EXOC4: variants seen among roughly 807,000 people sequenced by gnomAD.
EXOC4 encodes exocyst complex component 4, also known as SEC8-like 1.
A neutral mutation model predicts 107.2 loss-of-function variants in EXOC4; 71 were observed. The observed-to-expected ratio is 0.66, with a 90% CI of 0.55 to 0.81. The LOEUF (loss-of-function observed/expected upper bound fraction) is 0.81. Among genes scored for constraint, EXOC4 ranks in the 30% least tolerant of loss-of-function variants. The pLI is 0.00. For synonymous variants in EXOC4, 456 were observed against 441.2 expected (o/e 1.03, Z -0.42); for missense variants, 1,108 against 1,189.6 (o/e 0.93, Z 1.01).
intron 5 of EXOC4, 35 bp downstream of exon 5, chr7:133,317,425 A>G (rs745993814): frequency 5.8e-6 from 8 of 1,379,882 alleles, no homozygotes; most frequent in Admixed American, 1.7e-5. Context: ...TAAGCTTTTT[A>G]GTATGTCTTA....
intron 9 of EXOC4, chr7:133,480,636 C>G (rs1799132792): frequency 6.4e-6 from 1 of 157,382 alleles, no homozygotes; most frequent in Non-Finnish European, 1.4e-5. Flanking sequence ...GTATAGTTAC[C>G]AAAGAGTTGT....
At chr7:133,545,533 C>G (rs1260187002) in intron 9 of EXOC4, among the ~76,000 whole-genome samples, 2 of 152,050 alleles carry the variant, frequency 1.3e-5, no homozygotes, top group South Asian at 2.1e-4. Flanking sequence ...TTATTTCTTC[C>G]TACACTCATA....
intron 9 of EXOC4, among the ~76,000 whole-genome samples, chr7:133,581,675 A>G (rs544790947): frequency 2.1e-4 from 31 of 148,216 alleles, no homozygotes; most frequent in Non-Finnish European, 4.0e-4. Context: ...GGAGAATGGC[A>G]TGAACCCAAG....
chr7:133,594,513 T>TTTTTTTTTTTTA (rs59916199), intron 9 of EXOC4, among the ~76,000 whole-genome samples: 10 of 136,542 alleles, frequency 7.3e-5, no homozygotes, highest in South Asian at 2.5e-4. Context: ...TTTTTTTTTT[T>TTTTTTTTTTTTA]GAGACGGAGT....
At chr7:133,802,323 T>C (rs1457367565) in intron 10 of EXOC4, among the ~76,000 whole-genome samples, 3 of 152,224 alleles carry the variant, frequency 2.0e-5, no homozygotes, top group Non-Finnish European at 4.4e-5. Context: ...TGTGAAAGTC[T>C]TTTGTAAGTG....
chr7:133,712,662 A>G (rs1794919874), intron 10 of EXOC4, among the ~76,000 whole-genome samples: 1 of 152,176 alleles, frequency 6.6e-6, no homozygotes, highest in Non-Finnish European at 1.5e-5. Flanking sequence ...ACACACATTA[A>G]TAAAGCTCTA....
At chr7:133,897,699 T>G (rs1799351326) in intron 12 of EXOC4, among the ~76,000 whole-genome samples, 1 of 151,458 alleles carries the variant, frequency 6.6e-6, no homozygotes, top group Non-Finnish European at 1.5e-5. Flanking sequence ...GAGATTCTAT[T>G]GGATGCTTTT....
the EXOC4 span, among the ~76,000 whole-genome samples, chr7:134,095,003 A>G: frequency 1.3e-5 from 2 of 152,050 alleles, no homozygotes; most frequent in African/African-American, 4.8e-5. Context: ...CCAATAGGAA[A>G]AGTCAAACTA....
chr7:133,337,394 A>G (rs12534096), intron 5 of EXOC4, among the ~76,000 whole-genome samples: 1 of 151,896 alleles, frequency 6.6e-6, no homozygotes, highest in African/African-American at 2.4e-5. Flanking sequence ...GTACTGTTCA[A>G]CATTTTCACT....
intron 11 of EXOC4, among the ~76,000 whole-genome samples, chr7:133,833,737 G>A (rs183829911): frequency 3.3e-5 from 5 of 152,176 alleles, no homozygotes; most frequent in African/African-American, 1.2e-4. Flanking sequence ...TAATTTTTTT[G>A]TATTTTTTGT....
chr7:133,528,653 A>G (rs1401288477), intron 9 of EXOC4, among the ~76,000 whole-genome samples: 1 of 152,130 alleles, frequency 6.6e-6, no homozygotes, highest in Non-Finnish European at 1.5e-5. Context: ...GAGTGAGAGA[A>G]TATATGAGTA....
the EXOC4 span, among the ~76,000 whole-genome samples, chr7:134,072,394 G>GTGA: frequency 6.6e-6 from 1 of 152,188 alleles, no homozygotes; most frequent in Non-Finnish European, 1.5e-5. Context: ...TGTGGTGGTG[G>GTGA]TGGTGATGGT....
chr7:133,494,068 G>T (rs1024387499), intron 9 of EXOC4, among the ~76,000 whole-genome samples: 14 of 152,182 alleles, frequency 9.2e-5, no homozygotes, highest in Non-Finnish European at 2.1e-4. Context: ...GTACATTATT[G>T]TTTTGCCTTC....
intron 10 of EXOC4, among the ~76,000 whole-genome samples, chr7:133,806,715 G>T (rs1310077315): frequency 6.6e-6 from 1 of 152,126 alleles, no homozygotes; most frequent in African/African-American, 2.4e-5. Flanking sequence ...ATGAAGTCTG[G>T]CATGGTCTCT....
At chr7:133,983,559 A>G (rs964014291) in intron 14 of EXOC4, among the ~76,000 whole-genome samples, 2 of 152,070 alleles carry the variant, frequency 1.3e-5, no homozygotes, top group African/African-American at 2.4e-5. Flanking sequence ...AATGTTTCCA[A>G]TTTACCCAGT....
chr7:133,487,230 G>A lies in EXOC4; in HGVS notation c.1417+7092G>A, dbSNP rs565156292. Among the ~76,000 whole-genome samples the A allele has an allele frequency of 1.7e-3, 266 of 152,280 alleles. 1 individual carries two copies. The highest frequency in any genetic ancestry group is 6.0e-3 in the African/African-American group (249 of 41,556). ...TGAAGCCTAAGAACCTCGCTCTTGA[G>A]ATATGATACTTGGTCATCACACAGA... is the stretch of plus-strand genomic sequence containing the variant. On this transcript the variant is annotated intron_variant, in intron 9 of 17. Coordinates refer to ENST00000253861, the MANE Select transcript of EXOC4 (RefSeq NM_021807.4).
In EXOC4 at chr7:133,937,990, C is replaced by T. The variant is rs555442349; in HGVS notation, c.2127C>T (p.Ala709=). 6.2e-7 allele frequency: 1 copy of T among 1,614,158 alleles called. No individual in the cohort carries two copies. Among genetic ancestry groups the T allele is most frequent in the Admixed American group, 1.7e-5 (1 of 60,018 alleles). ...DILRDVSDLK[A]LANMHESLEW... is the part of the protein sequence containing the mutation. The stretch of plus-strand genomic sequence containing the variant: ...TTCGTGACGTCAGTGACCTCAAAGC[C>T]TTGGCCAACATGCATGAAAGCCTGG... The change falls in exon 14 of 18, where the codon GCC becomes GCT. Residue 709 remains alanine, a synonymous_variant. Coordinates refer to ENST00000253861, the MANE Select transcript of EXOC4 (RefSeq NM_021807.4).
intron 17 of EXOC4, among the ~76,000 whole-genome samples, chr7:134,017,278 T>G (rs775227263): frequency 9.2e-5 from 14 of 152,170 alleles, no homozygotes; most frequent in Non-Finnish European, 1.6e-4. Context: ...AAAAAATTCT[T>G]TTTTTAATGA....
chr7:134,038,148 T>C (rs1795434540), intron 17 of EXOC4, among the ~76,000 whole-genome samples: 1 of 152,160 alleles, frequency 6.6e-6, no homozygotes, highest in Non-Finnish European at 1.5e-5. Flanking sequence ...GCAGTATCGA[T>C]TGTATAAGGA....
Sources: allele counts gnomAD v4.1 joint callset (sites outside exome capture counted in the v4.1 genomes callset), GRCh38; gene constraint gnomAD v4.1.1; transcripts MANE v1.5; gene names NCBI Gene and HGNC (gene_info 2026-07-23, HGNC 2026-07-21).